LRCH3: variants seen among roughly 807,000 people sequenced by gnomAD.
LRCH3 encodes leucine rich repeats and calponin homology domain containing 3.
LRCH3 carries 68 observed loss-of-function variants against 104.5 expected under a neutral mutation model. The ratio of observed to expected loss-of-function variants is 0.65; its 90% CI spans 0.54 to 0.80. LRCH3 has a LOEUF of 0.80. LRCH3 is among the 30% of genes least tolerant of loss of function. LRCH3 has a pLI of 0.00. For missense variants in LRCH3, 951 were observed against 953.9 expected, an observed-to-expected ratio of 1.00 and a Z score of 0.04; for synonymous variants, 344 against 361.3, an observed-to-expected ratio of 0.95 and a Z score of 0.54.
At chr3:197,842,561 C>T (rs1737961159) in intron 10 of LRCH3, among the ~76,000 whole-genome samples, 1 of 151,990 alleles carries the variant, frequency 6.6e-6, no homozygotes, top group Non-Finnish European at 1.5e-5. Context: ...GCTTGCTTAC[C>T]CGTTTTTTTC....
intron 20 of LRCH3, among the ~76,000 whole-genome samples, chr3:197,879,611 C>G (rs939330474): frequency 6.6e-6 from 1 of 151,600 alleles, no homozygotes; most frequent in African/African-American, 2.4e-5. Context: ...AGCGAGACTC[C>G]GTCTCAAAAA....
intron 20 of LRCH3, among the ~76,000 whole-genome samples, chr3:197,879,991 G>C (rs1411835108): frequency 1.3e-5 from 2 of 150,974 alleles, no homozygotes; most frequent in Admixed American, 6.6e-5. Context: ...TGTCACCCAG[G>C]CTGGAGTGCG....
rs755266619 is a variant in LRCH3 at position 197,844,680 on chromosome 3, C to T, written c.1329-2729C>T. Among the ~76,000 whole-genome samples, 27 of 152,058 alleles carry T rather than the reference C, an allele frequency of 1.8e-4. No homozygotes were observed. The East Asian group carries it at 3.5e-3, about 20-fold the overall frequency. ...GTCGCCAGGCTGGAGTGCAGTGGCG[C>T]GATCTTGACTCACTGCAACCTCCAC... On this transcript the variant is annotated intron_variant, in intron 10 of 20. Transcript: ENST00000425562.
At chr3:197,834,407 A>G (rs1341582428) in intron 8 of LRCH3, among the ~76,000 whole-genome samples, 1 of 152,376 alleles carries the variant, frequency 6.6e-6, no homozygotes, top group Middle Eastern at 3.4e-3. Context: ...TCTAGCAGAT[A>G]GTTTTCCAAA....
At chr3:197,879,186 C>T (rs73892163) in intron 20 of LRCH3, among the ~76,000 whole-genome samples, 222 of 152,176 alleles carry the variant, frequency 1.5e-3, no homozygotes, top group African/African-American at 5.2e-3. Flanking sequence ...GTCCCAGAGT[C>T]GTTATGTTAT....
At chr3:197,816,443 G>A (rs1051391965) in intron 2 of LRCH3, among the ~76,000 whole-genome samples, 13 of 152,018 alleles carry the variant, frequency 8.6e-5, no homozygotes, top group Admixed American at 7.9e-4. Context: ...TCCACGCCCG[G>A]CTAATTTTGT....
intron 2 of LRCH3, 37 bp from the exon 3 acceptor site, chr3:197,817,139 G>A (rs1733891687): frequency 6.4e-7 from 1 of 1,565,356 alleles, no homozygotes; most frequent in African/African-American, 1.4e-5. Context: ...TTCAGTGGTG[G>A]ACTCTGATTC....
At chr3:197,868,604 G>T (rs1711631460) in intron 17 of LRCH3, among the ~76,000 whole-genome samples, 1 of 152,168 alleles carries the variant, frequency 6.6e-6, no homozygotes, top group South Asian at 2.1e-4. Flanking sequence ...TCCATCAAGA[G>T]AATGGATAAA....
rs115416872 is a variant in LRCH3 at position 197,841,113 on chromosome 3, G to A, written c.1328+1716G>A. Among the ~76,000 whole-genome samples the A allele has an allele frequency of 4.5e-3, 680 of 152,332 alleles. 7 individuals carry two copies. Among genetic ancestry groups the A allele is most frequent in the African/African-American group, 0.016 (648 of 41,566 alleles). ...CTCTTTATTATATTATACTTCTGGAGGATAGAGCCTGGGCAGGCCCCGCTG... is the reference window on the plus strand; with the variant it reads ...CTCTTTATTATATTATACTTCTGGAAGATAGAGCCTGGGCAGGCCCCGCTG... On this transcript the variant is annotated intron_variant, in intron 10 of 20. Transcript: ENST00000425562.
chr3:197,811,220 A>G (rs535942137), intron 1 of LRCH3, among the ~76,000 whole-genome samples: 3 of 152,296 alleles, frequency 2.0e-5, no homozygotes, highest in Non-Finnish European at 2.9e-5. Flanking sequence ...TAGCTATCAA[A>G]TAATATTTTA....
At chr3:197,881,934 C>CTATT in intron 20 of LRCH3, 1 of 985,398 alleles carries the variant, frequency 1.0e-6, no homozygotes, top group Non-Finnish European at 1.2e-6. Flanking sequence ...AGACTGTTCA[C>CTATT]TATTAATGCT....
At chr3:197,838,629 G>C (rs1580740781) in intron 9 of LRCH3, among the ~76,000 whole-genome samples, 1 of 151,996 alleles carries the variant, frequency 6.6e-6, no homozygotes, top group East Asian at 1.9e-4. Context: ...CTCTACCTTT[G>C]ATTTATAATT....
chr3:197,831,434 A>C (rs1735922689), intron 7 of LRCH3: 1 of 152,232 alleles, frequency 6.6e-6, no homozygotes, highest in African/African-American at 2.4e-5. Context: ...TTATTAAGTA[A>C]ACTTTTGTTA....
At chr3:197,847,352 A>G (rs565307405) in intron 10 of LRCH3, 57 bp from the exon 11 acceptor site, 20 of 1,443,334 alleles carry the variant, frequency 1.4e-5, no homozygotes, top group Middle Eastern at 2.1e-4. Context: ...TTTTTTATGT[A>G]TCTGTTTGTC....
At chr3:197,881,121 T>A in intron 20 of LRCH3, 1 of 1,043,414 alleles carries the variant, frequency 9.6e-7, no homozygotes, top group African/African-American at 1.7e-5. Context: ...AGTGTTGAAT[T>A]GTGGAGTGAC....
At chr3:197,850,883 A>G in intron 12 of LRCH3, 1 of 896,942 alleles carries the variant, frequency 1.1e-6, no homozygotes, top group South Asian at 1.3e-5. Flanking sequence ...TCTTAAAGTG[A>G]ACACGAAGAT....
At chr3:197,792,575 TTTTATATATA>T (rs1332567267) in intron 1 of LRCH3, among the ~76,000 whole-genome samples, 1,092 of 18,606 alleles carry the variant, frequency 0.059, 61 homozygotes, top group African/African-American at 0.11. Flanking sequence ...GCCCAGCTAA[TTTTATATATA>T]TATATATATA....
At position 197,870,230 on chromosome 3, in the gene LRCH3, T is replaced by A. The variant is rs146981118; in HGVS notation, c.1944T>A (p.Asn648Lys). The A allele has an allele frequency of 1.8e-4, 295 of 1,613,498 alleles. No individual in the cohort carries two copies. The East Asian group carries it at 6.2e-3, about 34-fold the overall frequency. Residue 648 changes from asparagine (N) to lysine (K), a missense_variant, in exon 18 of 21, where the codon AAT becomes AAA. Transcript: ENST00000425562. ...TDSTDSITGQ[N>K]SRQREEELEL... ...CTACAGATTCCATAACAGGACAGAA[T>A]TCAAGACAGAGAGAAGAAGAGCTGG...
chr3:197,833,707 A>T (rs1254878433), intron 8 of LRCH3, among the ~76,000 whole-genome samples: 1 of 151,804 alleles, frequency 6.6e-6, no homozygotes. Context: ...AAAATATTAA[A>T]GTTAATGCTG....
Sources: gnomAD v4.1 joint callset for allele counts (sites outside exome capture counted in the v4.1 genomes callset) on GRCh38, gnomAD v4.1.1 for gene constraint, MANE v1.5 for transcripts, NCBI Gene and HGNC (gene_info 2026-07-23, HGNC 2026-07-21) for gene names.